The following GPR25 variants were observed in gnomAD, a reference collection of about 807,000 sequenced individuals.
GPR25 encodes G protein-coupled receptor 25.
For synonymous variants in GPR25, 280 were observed against 264.9 expected (o/e 1.06, Z -0.55); for missense variants, 501 against 503.0 (o/e 1.00, Z 0.04).
rs1667997557 is a variant in GPR25 at position 200,873,373 on chromosome 1, C to T, written c.336C>T (p.Cys112=). ...GCTGGCCGTTCGGCGATGGCCTCTG[C>T]AAGCTCAGCAGCTTCGCGCTGGCGG... ...GGRWPFGDGL[C]KLSSFALAGT... is the part of the protein sequence containing the mutation. Residue 112 remains cysteine, a synonymous_variant, in exon 1 of 1, where the codon TGC becomes TGT. Coordinates refer to ENST00000304244, the MANE Select transcript of GPR25 (RefSeq NM_005298.4). The T allele has an allele frequency of 1.3e-6, 2 of 1,494,064 alleles. No individual in the cohort carries two copies. The highest frequency in any genetic ancestry group is 1.8e-6 in the Non-Finnish European group (2 of 1,132,028). 92.6% of individuals were successfully genotyped at this position (1,494,064 alleles called of 1,614,324 possible). A position where few individuals can be genotyped will look rare whatever the true frequency, so the allele number is the denominator to read the frequency against.
Position 200,873,843 on chromosome 1 carries a change from T to A in GPR25, c.806T>A (p.Leu269Gln), listed in dbSNP as rs1558219016. The A allele has an allele frequency of 6.2e-7, 1 of 1,602,676 alleles. No homozygotes were observed. The change falls in exon 1 of 1, where the codon CTG becomes CAG. Residue 269 changes from leucine to glutamine, a missense_variant. Coordinates refer to ENST00000304244, the MANE Select transcript of GPR25 (RefSeq NM_005298.4). The part of the protein sequence containing the change: ...PFSALRAVFH[L>Q]ARLGALPLPC... ...AGCGCCCTGCGGGCCGTCTTCCACC[T>A]GGCGCGTCTGGGGGCGCTGCCGCTG...
In GPR25 at chr1:200,873,339, T is replaced by C; in HGVS notation, c.302T>C (p.Leu101Pro). Residue 101 changes from leucine (L) to proline (P), a missense_variant, in exon 1 of 1, where the codon CTA (leucine) becomes CCA (proline). Physicochemically the swap from Leu to Pro is moderately conservative, Grantham distance 98. Coordinates refer to ENST00000304244, the MANE Select transcript of GPR25 (RefSeq NM_005298.4). Reference sequence around the variant, plus strand: ...CCGCTGTGGGCCGCGGCGGCGGCGCTAGGCGGCCGCTGGCCGTTCGGCGAT... The same window carrying C: ...CCGCTGTGGGCCGCGGCGGCGGCGCCAGGCGGCCGCTGGCCGTTCGGCGAT... ...TLPLWAAAAA[L>P]GGRWPFGDGL... 1 of 1,479,688 alleles carries C rather than the reference T, an allele frequency of 6.8e-7. No individual in the cohort carries two copies. The highest frequency in any genetic ancestry group is 8.9e-7 in the Non-Finnish European group (1 of 1,125,940). 91.7% of individuals were successfully genotyped at this position (1,479,688 alleles called of 1,614,324 possible). A position where few individuals can be genotyped will look rare whatever the true frequency, so the allele number is the denominator to read the frequency against.
At position 200,873,973 on chromosome 1, in the gene GPR25, C is replaced by G. The variant is rs780827777; in HGVS notation, c.936C>G (p.Arg312=). 5 of 1,612,264 alleles carry G rather than the reference C, an allele frequency of 3.1e-6. No individual in the cohort carries two copies. The highest frequency in any genetic ancestry group is 4.2e-6 in the Non-Finnish European group (5 of 1,179,610). The change falls in exon 1 of 1, where the codon CGC becomes CGG. Residue 312 remains arginine, a synonymous_variant. Coordinates refer to ENST00000304244, the MANE Select transcript of GPR25 (RefSeq NM_005298.4). ...ANPLIYLLLD[R]SFRARALDGA... is the part of the protein sequence containing the mutation. ...CGCTCATCTACCTCCTGCTGGACCG[C>G]TCATTCCGAGCCCGGGCGCTGGACG...
rs1668008985 is a variant in GPR25, at chr1:200,874,011, G to T, written c.974G>T (p.Arg325Leu). Residue 325 changes from arginine to leucine, a missense_variant, in exon 1 of 1, where the codon CGC becomes CTC. Arg to Leu is a moderately radical substitution (Grantham distance 102). Coordinates refer to ENST00000304244, the MANE Select transcript of GPR25 (RefSeq NM_005298.4). Reference sequence around the variant, plus strand: ...CGGGCGCTGGACGGGGCCTGCGGGCGCACCGGCCGCCTGGCGCGAAGGATC... The same window carrying T: ...CGGGCGCTGGACGGGGCCTGCGGGCTCACCGGCCGCCTGGCGCGAAGGATC... ...RARALDGACG[R>L]TGRLARRISS... The T allele has an allele frequency of 1.2e-6, 2 of 1,611,660 alleles. No individual in the cohort carries two copies. The highest frequency in any genetic ancestry group is 1.7e-6 in the Non-Finnish European group (2 of 1,179,374).
At position 200,873,512 on chromosome 1, in the gene GPR25, T is replaced by A; in HGVS notation, c.475T>A (p.Ser159Thr). 6.4e-7 allele frequency: 1 copy of A among 1,561,024 alleles called. No individual in the cohort carries two copies. The highest frequency in any genetic ancestry group is 8.6e-7 in the Non-Finnish European group (1 of 1,162,226). ...GCGCACCCCGCGCTGCGCGCTGGCC[T>A]CGTGCTGCGGCGTCTGGGCCGTGGC... ...PLRTPRCALA[S>T]CCGVWAVALL... Residue 159 changes from serine to threonine, a missense_variant, in exon 1 of 1, where the codon TCG (serine) becomes ACG (threonine). Physicochemically the swap from Ser to Thr is moderately conservative, Grantham distance 58 (BLOSUM62 1). Coordinates refer to ENST00000304244, the MANE Select transcript of GPR25 (RefSeq NM_005298.4).
In GPR25 at chr1:200,873,391, G is replaced by A; in HGVS notation, c.354G>A (p.Ala118=). The A allele has an allele frequency of 6.7e-7, 1 of 1,492,998 alleles. No homozygotes were observed. Among genetic ancestry groups the A allele is most frequent in the Admixed American group, 2.3e-5 (1 of 43,228 alleles). The allele number at this position is 1,492,998 out of a possible 1,614,324, so 92.5% of individuals were successfully genotyped here. The change falls in exon 1 of 1, where the codon GCG becomes GCA. Residue 118 remains alanine (A), a synonymous_variant. Transcript: ENST00000304244. ...GDGLCKLSSF[A]LAGTRCAGAL... ...GCCTCTGCAAGCTCAGCAGCTTCGC[G>A]CTGGCGGGCACGCGCTGCGCGGGCG...
Position 200,873,232 on chromosome 1 carries a change from C to A in GPR25, c.195C>A (p.Ala65=). 6.3e-7 allele frequency: 1 copy of A among 1,592,296 alleles called. No individual in the cohort carries two copies. The highest frequency in any genetic ancestry group is 8.5e-7 in the Non-Finnish European group (1 of 1,172,666). ...ACGCCTTTGTGGTGTGGCTGCTGGC[C>A]GGGCGGCGGGGCCCGCGGCGGCTGG... ...LGNAFVVWLL[A]GRRGPRRLVD... Residue 65 remains alanine (A), a synonymous_variant, in exon 1 of 1, where the codon GCC becomes GCA. Transcript: ENST00000304244.
Position 200,873,337 on chromosome 1 carries a change from G to T in GPR25, c.300G>T (p.Ala100=). 4 of 1,480,136 alleles carry T rather than the reference G, an allele frequency of 2.7e-6. No individual in the cohort carries two copies. In the South Asian group the frequency reaches 5.3e-5, roughly 20 times the overall value. The allele number at this position is 1,480,136 out of a possible 1,614,324, so 91.7% of individuals were successfully genotyped here. The change falls in exon 1 of 1, where the codon GCG becomes GCT. Residue 100 remains alanine (A), a synonymous_variant. Transcript: ENST00000304244. ...TGCCGCTGTGGGCCGCGGCGGCGGC[G>T]CTAGGCGGCCGCTGGCCGTTCGGCG... The part of the protein sequence containing the change: ...LTLPLWAAAA[A]LGGRWPFGDG...
In GPR25 at chr1:200,873,252, G is replaced by T; in HGVS notation, c.215G>T (p.Arg72Leu). The change falls in exon 1 of 1, where the codon CGG becomes CTG. Residue 72 changes from arginine (R) to leucine (L), a missense_variant. Coordinates refer to ENST00000304244, the MANE Select transcript of GPR25 (RefSeq NM_005298.4). ...CTGGCCGGGCGGCGGGGCCCGCGGC[G>T]GCTGGTGGATACCTTCGTGCTGCAC... is the stretch of plus-strand genomic sequence containing the variant. ...WLLAGRRGPRRLVDTFVLHLA... is the reference protein window; with the variant it reads ...WLLAGRRGPRLLVDTFVLHLA... 5 of 1,574,110 alleles carry T rather than the reference G, an allele frequency of 3.2e-6. No homozygotes were observed. Among genetic ancestry groups the T allele is most frequent in the Non-Finnish European group, 3.4e-6 (4 of 1,164,546 alleles).
Position 200,874,073 on chromosome 1 carries a change from G to A in GPR25, c.1036G>A (p.Val346Met). 1 of 1,596,044 alleles carries A rather than the reference G, an allele frequency of 6.3e-7. No individual in the cohort carries two copies. Among genetic ancestry groups the A allele is most frequent in the East Asian group, 2.3e-5 (1 of 44,338 alleles). The change falls in exon 1 of 1, where the codon GTG becomes ATG. Residue 346 changes from valine (V) to methionine (M), a missense_variant. Val to Met is a conservative substitution (Grantham distance 21). Transcript: ENST00000304244. Reference protein sequence around the residue: ...ASSLSRDDSSVFRCRAQAANT... With the variant: ...ASSLSRDDSSMFRCRAQAANT... ...CTCGCTCTCCAGGGACGACAGTTCC[G>A]TGTTCCGTTGCCGGGCCCAGGCCGC... is the stretch of plus-strand genomic sequence containing the variant.
In GPR25 at chr1:200,873,321, G is replaced by A; in HGVS notation, c.284G>A (p.Trp95Ter). Residue 95 changes from tryptophan to a stop codon, truncating the protein, a stop_gained, in exon 1 of 1, where the codon TGG becomes TAG. Coordinates refer to ENST00000304244, the MANE Select transcript of GPR25 (RefSeq NM_005298.4). LOFTEE classifies it low-confidence loss of function (END_TRUNC). The stretch of plus-strand genomic sequence containing the variant: ...GGCTTCGTGCTCACGCTGCCGCTGT[G>A]GGCCGCGGCGGCGGCGCTAGGCGGC... ...DLGFVLTLPL[W>*]AAAAALGGRW... 6.7e-7 allele frequency: 1 copy of A among 1,498,258 alleles called. No homozygotes were observed. Among genetic ancestry groups the A allele is most frequent in the Non-Finnish European group, 8.8e-7 (1 of 1,132,820 alleles). The allele number at this position is 1,498,258 out of a possible 1,614,324, so 92.8% of individuals were successfully genotyped here. A position where few individuals can be genotyped will look rare whatever the true frequency, so the allele number is the denominator to read the frequency against.
chr1:200,873,265 C>G lies in GPR25; in HGVS notation c.228C>G (p.Thr76=). 1 of 1,564,350 alleles carries G rather than the reference C, an allele frequency of 6.4e-7. No homozygotes were observed. The highest frequency in any genetic ancestry group is 2.3e-5 in the East Asian group (1 of 42,610). ...GRRGPRRLVD[T]FVLHLAAADL... Reference sequence around the variant, plus strand: ...GGGGCCCGCGGCGGCTGGTGGATACCTTCGTGCTGCACCTGGCGGCAGCTG... The same window carrying G: ...GGGGCCCGCGGCGGCTGGTGGATACGTTCGTGCTGCACCTGGCGGCAGCTG... Residue 76 remains threonine (T), a synonymous_variant, in exon 1 of 1, where the codon ACC becomes ACG. Transcript: ENST00000304244.
Position 200,873,798 on chromosome 1 carries a change from T to G in GPR25, c.761T>G (p.Val254Gly). ...RIIFAIESTF[V>G]GSWLPFSALR... is the part of the protein sequence containing the mutation. ...ATCTTCGCCATCGAGAGCACGTTTG[T>G]GGGCTCCTGGCTGCCCTTCAGCGCC... is the stretch of plus-strand genomic sequence containing the variant. The change falls in exon 1 of 1, where the codon GTG becomes GGG. Residue 254 changes from valine to glycine, a missense_variant. Transcript: ENST00000304244. 1 of 1,599,948 alleles carries G rather than the reference T, an allele frequency of 6.3e-7. No individual in the cohort carries two copies. The highest frequency in any genetic ancestry group is 2.2e-5 in the East Asian group (1 of 44,820).
Position 200,873,985 on chromosome 1 carries a change from CCGGGCGCTGGACGGGGCCTG to C in GPR25, c.956_975del (p.Leu319HisfsTer?). 2 of 1,612,194 alleles carry C rather than the reference CCGGGCGCTGGACGGGGCCTG, an allele frequency of 1.2e-6. No individual in the cohort carries two copies. The highest frequency in any genetic ancestry group is 1.7e-6 in the Non-Finnish European group (2 of 1,179,578). On this transcript the variant is annotated frameshift_variant, in exon 1 of 1. Coordinates refer to ENST00000304244, the MANE Select transcript of GPR25 (RefSeq NM_005298.4). LOFTEE classifies it low-confidence loss of function (END_TRUNC). ...TCCTGCTGGACCGCTCATTCCGAGCCCGGGCGCTGGACGGGGCCTGCGGGCGCACCGGCCGCCTGGCGCGA... is the reference window on the plus strand; with the variant it reads ...TCCTGCTGGACCGCTCATTCCGAGCCCGGGCGCACCGGCCGCCTGGCGCGA...
chr1:200,873,258 T>C lies in GPR25; in HGVS notation c.221T>C (p.Val74Ala). ...GGGCGGCGGGGCCCGCGGCGGCTGG[T>C]GGATACCTTCGTGCTGCACCTGGCG... ...LAGRRGPRRL[V>A]DTFVLHLAAA... is the part of the protein sequence containing the mutation. The change falls in exon 1 of 1, where the codon GTG (valine) becomes GCG (alanine). Residue 74 changes from valine to alanine, a missense_variant. Coordinates refer to ENST00000304244, the MANE Select transcript of GPR25 (RefSeq NM_005298.4). The C allele has an allele frequency of 6.4e-7, 1 of 1,570,098 alleles. No homozygotes were observed. Among genetic ancestry groups the C allele is most frequent in the Non-Finnish European group, 8.6e-7 (1 of 1,162,756 alleles).
chr1:200,874,110 C>A lies in GPR25; in HGVS notation c.1073C>A (p.Ser358Ter). Residue 358 changes from serine (S) to a stop codon, truncating the protein, a stop_gained, in exon 1 of 1, where the codon TCG (serine) becomes TAG (stop). Transcript: ENST00000304244. LOFTEE classifies it high-confidence loss of function. ...CGGGCCCAGGCCGCGAACACTGCCT[C>A]GGCCTCCTGGTAGCTGCCCCGGGCC... ...RCRAQAANTA[S>*]ASW The A allele has an allele frequency of 1.3e-6, 2 of 1,555,784 alleles. No homozygotes were observed. Among genetic ancestry groups the A allele is most frequent in the Admixed American group, 1.9e-5 (1 of 53,220 alleles).
At position 200,873,991 on chromosome 1, in the gene GPR25, G is replaced by T. The variant is rs1268301030; in HGVS notation, c.954G>T (p.Ala318=). 1.9e-6 allele frequency: 3 copies of T among 1,611,990 alleles called. No individual in the cohort carries two copies. The highest frequency in any genetic ancestry group is 2.7e-5 in the African/African-American group (2 of 74,928). Residue 318 remains alanine (A), a synonymous_variant, in exon 1 of 1, where the codon GCG becomes GCT. Transcript: ENST00000304244. ...TGGACCGCTCATTCCGAGCCCGGGC[G>T]CTGGACGGGGCCTGCGGGCGCACCG... ...LLLDRSFRAR[A]LDGACGRTGR...
chr1:200,873,881 C>A lies in GPR25; in HGVS notation c.844C>A (p.Leu282Met). The part of the protein sequence containing the change: ...LGALPLPCPL[L>M]LALRWGLTIA... ...GGCGCTGCCGCTGCCGTGCCCCCTG[C>A]TGCTGGCGCTGCGCTGGGGCCTCAC... The change falls in exon 1 of 1, where the codon CTG becomes ATG. Residue 282 changes from leucine (L) to methionine (M), a missense_variant. Coordinates refer to ENST00000304244, the MANE Select transcript of GPR25 (RefSeq NM_005298.4). 1 of 1,607,528 alleles carries A rather than the reference C, an allele frequency of 6.2e-7. No individual in the cohort carries two copies. The highest frequency in any genetic ancestry group is 8.5e-7 in the Non-Finnish European group (1 of 1,178,658).
Position 200,873,061 on chromosome 1 carries a change from C to T in GPR25, c.24C>T (p.Ser8=), listed in dbSNP as rs778544027. 11 of 1,559,004 alleles carry T rather than the reference C, an allele frequency of 7.1e-6. No individual in the cohort carries two copies. In the Admixed American group the frequency reaches 1.7e-4, roughly 24 times the overall value. Residue 8 remains serine, a synonymous_variant, in exon 1 of 1, where the codon AGC becomes AGT. Coordinates refer to ENST00000304244, the MANE Select transcript of GPR25 (RefSeq NM_005298.4). ...CCATGGCCCCCACAGAGCCCTGGAG[C>T]CCCAGCCCGGGGTCAGCGCCCTGGG... The part of the protein sequence containing the change: MAPTEPW[S]PSPGSAPWDY...
Sources: allele counts gnomAD v4.1 joint callset, GRCh38; gene constraint gnomAD v4.1.1; transcripts MANE v1.5; gene names NCBI Gene and HGNC (gene_info 2026-07-23, HGNC 2026-07-21).